WDFY2: variants seen among roughly 807,000 people sequenced by gnomAD.
WDFY2 encodes the protein WD repeat and FYVE domain-containing protein 2.
In WDFY2, 36 loss-of-function variants were observed where a neutral mutation model predicts 56.4. That is an observed-to-expected ratio of 0.64 (90% CI 0.49 to 0.84). The LOEUF is 0.84. WDFY2 is among the 40% of genes least tolerant of loss of function. WDFY2 has a pLI of 0.00. For missense variants in WDFY2, 444 were observed against 512.2 expected (o/e 0.87, Z 1.29); for synonymous variants, 176 against 183.7 (o/e 0.96, Z 0.34).
chr13:51,750,869 C>T (rs898855767), intron 7 of WDFY2, among the ~76,000 whole-genome samples: 7 of 152,294 alleles, frequency 4.6e-5, no homozygotes, highest in South Asian at 2.1e-4. Flanking sequence ...GTTTACCTGG[C>T]TGTGTCAGGT....
intron 3 of WDFY2, among the ~76,000 whole-genome samples, chr13:51,700,201 T>C (rs202045024): frequency 6.6e-6 from 1 of 152,210 alleles, no homozygotes; most frequent in East Asian, 1.9e-4. Flanking sequence ...AAGGGTGAGA[T>C]TGAAGGTGAA....
intron 7 of WDFY2, among the ~76,000 whole-genome samples, chr13:51,741,859 C>T (rs754744409): frequency 1.6e-4 from 24 of 152,296 alleles, no homozygotes; most frequent in Non-Finnish European, 3.1e-4. Flanking sequence ...TAGCACCTTT[C>T]GTATACCCAG....
chr13:51,588,857 T>C (rs2043499542), intron 1 of WDFY2: 1 of 152,190 alleles, frequency 6.6e-6, no homozygotes. Flanking sequence ...GGTTGAAAGA[T>C]TTCAGGGTTC....
At chr13:51,706,526 C>T (rs1952085121) in intron 4 of WDFY2, among the ~76,000 whole-genome samples, 1 of 152,206 alleles carries the variant, frequency 6.6e-6, no homozygotes, top group African/African-American at 2.4e-5. Flanking sequence ...CTAATTGGCC[C>T]TGAAGACTAC....
At chr13:51,740,868 C>T (rs1311242293) in intron 7 of WDFY2, among the ~76,000 whole-genome samples, 1 of 152,190 alleles carries the variant, frequency 6.6e-6, no homozygotes, top group African/African-American at 2.4e-5. Context: ...ATTCATTTCA[C>T]TCCTAACTAG....
rs144275276 is a variant in WDFY2, at chr13:51,700,550, A to G, written c.280-3046A>G. On this transcript the variant is annotated intron_variant, in intron 3 of 11. Transcript: ENST00000298125. ...AATGGTCATACTCTCTGATCCAACAATTCTTCTCGGACTTTTATTTTATAG... is the reference window on the plus strand; with the variant it reads ...AATGGTCATACTCTCTGATCCAACAGTTCTTCTCGGACTTTTATTTTATAG... Among the ~76,000 whole-genome samples, 768 of 152,356 alleles carry G rather than the reference A, an allele frequency of 5.0e-3. 4 individuals carry two copies. Among genetic ancestry groups the G allele is most frequent in the African/African-American group, 0.014 (589 of 41,588 alleles).
chr13:51,584,533 C>G lies in WDFY2; in HGVS notation c.-155C>G, dbSNP rs1953895341. ...GAAGCAGGGAGCGCGGAGTCGTTCC[C>G]GAGAGAGGCGGCCAGGCTATGCTCG... is the stretch of plus-strand genomic sequence containing the variant. On this transcript the variant is annotated 5_prime_UTR_variant, in exon 1 of 12. Coordinates refer to ENST00000298125, the MANE Select transcript of WDFY2 (RefSeq NM_052950.4). The G allele has an allele frequency of 9.1e-7, 1 of 1,095,260 alleles. No individual in the cohort carries two copies. The highest frequency in any genetic ancestry group is 1.3e-6 in the Non-Finnish European group (1 of 797,552). 67.8% of individuals were successfully genotyped at this position (1,095,260 alleles called of 1,614,324 possible). A position where few individuals can be genotyped will look rare whatever the true frequency, so the allele number is the denominator to read the frequency against.
At chr13:51,693,600 C>A (rs1187802361) in intron 3 of WDFY2, among the ~76,000 whole-genome samples, 1 of 152,092 alleles carries the variant, frequency 6.6e-6, no homozygotes, top group Non-Finnish European at 1.5e-5. Flanking sequence ...GCTTTACTTC[C>A]ACCTATGTGG....
chr13:51,643,738 T>A (rs1030221902), intron 1 of WDFY2, among the ~76,000 whole-genome samples: 3 of 152,170 alleles, frequency 2.0e-5, no homozygotes, highest in Non-Finnish European at 4.4e-5. Context: ...TGTGGGTTCT[T>A]CCTCACCACT....
intron 2 of WDFY2, among the ~76,000 whole-genome samples, chr13:51,670,600 C>T (rs925208156): frequency 6.6e-6 from 1 of 151,710 alleles, no homozygotes; most frequent in African/African-American, 2.4e-5. Context: ...TTGGATGTGC[C>T]TGGGAGCTAA....
At chr13:51,724,231 C>CTTTTTTTTT (rs529903671) in intron 5 of WDFY2, among the ~76,000 whole-genome samples, 54 of 107,978 alleles carry the variant, frequency 5.0e-4, no homozygotes, top group East Asian at 7.8e-4. Context: ...TCTTTTTTAA[C>CTTTTTTTTT]TTTTTTTTTT....
At chr13:51,645,433 C>T (rs1955246190) in intron 1 of WDFY2, among the ~76,000 whole-genome samples, 2 of 152,120 alleles carry the variant, frequency 1.3e-5, no homozygotes, top group African/African-American at 4.8e-5. Context: ...TTCTAGGGCA[C>T]ATTTTTAAAA....
At chr13:51,592,617 A>T (rs1170586810) in intron 1 of WDFY2, 1 of 151,950 alleles carries the variant, frequency 6.6e-6, no homozygotes, top group African/African-American at 2.4e-5. Flanking sequence ...AATTAAAATA[A>T]ATAAGTAATG....
intron 5 of WDFY2, among the ~76,000 whole-genome samples, chr13:51,724,037 C>T (rs1305492686): frequency 6.6e-6 from 1 of 151,878 alleles, no homozygotes; most frequent in Non-Finnish European, 1.5e-5. Flanking sequence ...GATTTGGTGC[C>T]CTGCTCACCT....
chr13:51,725,914 A>G (rs1218816883), intron 5 of WDFY2, among the ~76,000 whole-genome samples: 2 of 151,940 alleles, frequency 1.3e-5, no homozygotes, highest in African/African-American at 4.8e-5. Context: ...GGCTCAAGTG[A>G]TCCTCCCTCC....
chr13:51,710,766 C>T (rs1952195058), intron 4 of WDFY2, among the ~76,000 whole-genome samples: 1 of 152,110 alleles, frequency 6.6e-6, no homozygotes, highest in Non-Finnish European at 1.5e-5. Context: ...GAACTACAAA[C>T]CACTGCTCAA....
intron 7 of WDFY2, among the ~76,000 whole-genome samples, chr13:51,750,375 A>G (rs550810157): frequency 6.6e-6 from 1 of 152,214 alleles, no homozygotes; most frequent in Non-Finnish European, 1.5e-5. Flanking sequence ...TTATAAACAC[A>G]TAGACACACA....
chr13:51,687,519 C>T (rs1319077156), intron 3 of WDFY2, among the ~76,000 whole-genome samples: 1 of 151,286 alleles, frequency 6.6e-6, no homozygotes, highest in Admixed American at 6.6e-5. Flanking sequence ...CAGCATTTGT[C>T]TTGGGAAGAG....
rs182706386 is a variant in WDFY2, at chr13:51,703,556, A to G, written c.280-40A>G. ...TTACCAAATATAGTCATTCACTTAA[A>G]GAATTTATTTTTGTTTAATAGTTTT... On this transcript the variant is annotated intron_variant, in intron 3 of 11. Transcript: ENST00000298125. 356 of 1,455,080 alleles carry G rather than the reference A, an allele frequency of 2.4e-4. 2 individuals carry two copies. The African/African-American group carries it at 4.2e-3, about 17-fold the overall frequency. 90.1% of individuals were successfully genotyped at this position (1,455,080 alleles called of 1,614,324 possible).
Sources: allele counts gnomAD v4.1 joint callset (sites outside exome capture counted in the v4.1 genomes callset), GRCh38; gene constraint gnomAD v4.1.1; transcripts MANE v1.5; gene names NCBI Gene and HGNC (gene_info 2026-07-23, HGNC 2026-07-21).